CDH18: variants seen among roughly 807,000 people sequenced by gnomAD.
CDH18 encodes cadherin-18.
In CDH18, 31 loss-of-function variants were observed where a neutral mutation model predicts 67.9. The observed-to-expected ratio is 0.46, with a 90% confidence interval of 0.34 to 0.62. The LOEUF is 0.62. CDH18 is among the 20% of genes least tolerant of loss of function. The pLI, the probability that CDH18 is intolerant of heterozygous loss-of-function variation, is 0.01. For missense variants in CDH18, 890 were observed against 975.5 expected, an observed-to-expected ratio of 0.91 and a Z score of 1.17; for synonymous variants, 362 against 347.2, an observed-to-expected ratio of 1.04 and a Z score of -0.48.
At chr5:20,109,092 T>C (rs1747233853) in intron 2 of CDH18, among the ~76,000 whole-genome samples, 1 of 152,200 alleles carries the variant, frequency 6.6e-6, no homozygotes, top group Non-Finnish European at 1.5e-5. Context: ...ACTGTATCTC[T>C]GATGCCAAAG....
chr5:20,331,735 T>C (rs548490029), intron 1 of CDH18, among the ~76,000 whole-genome samples: 1 of 152,286 alleles, frequency 6.6e-6, no homozygotes, highest in East Asian at 1.9e-4. Context: ...TGGGCCCAAC[T>C]TCCTGAAGTC....
chr5:19,756,088 C>A (rs1326661566), intron 3 of CDH18, among the ~76,000 whole-genome samples: 2 of 152,072 alleles, frequency 1.3e-5, no homozygotes, highest in Admixed American at 1.3e-4. Flanking sequence ...CAAATAAAGA[C>A]AATAATAAGG....
chr5:20,260,571 A>AGGGGGTGGACATATTTTG, intron 1 of CDH18, among the ~76,000 whole-genome samples: 1 of 152,146 alleles, frequency 6.6e-6, no homozygotes, highest in African/African-American at 2.4e-5. Context: ...AAAGACTTAA[A>AGGGGGTGGACATATTTTG]CAGTTCTGTA....
intron 1 of CDH18, among the ~76,000 whole-genome samples, chr5:20,402,916 AC>A (rs1458352339): frequency 6.6e-6 from 1 of 152,026 alleles, no homozygotes; most frequent in Non-Finnish European, 1.5e-5. Context: ...TTGAAAAAAA[AC>A]AATAAATAAA....
At chr5:19,489,253 T>C (rs1387626737) in intron 11 of CDH18, among the ~76,000 whole-genome samples, 1 of 147,794 alleles carries the variant, frequency 6.8e-6, no homozygotes, top group African/African-American at 2.5e-5. Flanking sequence ...TTTTTTTCTT[T>C]TTTTTTTTTT....
intron 1 of CDH18, among the ~76,000 whole-genome samples, chr5:20,267,934 C>T (rs527328403): frequency 3.9e-5 from 6 of 152,244 alleles, no homozygotes; most frequent in South Asian, 2.1e-4. Context: ...GGTAGTTTCT[C>T]GGCTTTTCCT....
At chr5:20,301,789 C>CTTTT (rs59276117) in intron 1 of CDH18, among the ~76,000 whole-genome samples, 24,758 of 124,638 alleles carry the variant, frequency 0.2, 2,254 homozygotes, top group South Asian at 0.28. Flanking sequence ...TTTCTTTTTT[C>CTTTT]TTTTTTTTTT....
At chr5:19,911,662 C>G (rs1791160253) in intron 2 of CDH18, among the ~76,000 whole-genome samples, 1 of 151,806 alleles carries the variant, frequency 6.6e-6, no homozygotes, top group Non-Finnish European at 1.5e-5. Flanking sequence ...GCCAGGGAGA[C>G]AGCCCTCACC....
At chr5:20,438,067 C>T (rs1017262189) in intron 1 of CDH18, among the ~76,000 whole-genome samples, 2 of 151,138 alleles carry the variant, frequency 1.3e-5, no homozygotes. Context: ...TTTAAAATTT[C>T]TGTTAATTCC....
intron 2 of CDH18, among the ~76,000 whole-genome samples, chr5:20,085,058 A>T (rs1744825762): frequency 6.6e-6 from 1 of 152,120 alleles, no homozygotes; most frequent in South Asian, 2.1e-4. Flanking sequence ...TTTGTTTTCT[A>T]TTGCATTGTC....
chr5:19,804,952 T>C, intron 3 of CDH18, among the ~76,000 whole-genome samples: 1 of 32,764 alleles, frequency 3.1e-5, no homozygotes, highest in Non-Finnish European at 9.2e-5. Flanking sequence ...ATTATTATGA[T>C]TTTTTTTTTT....
chr5:19,896,679 T>G (rs1789378534), intron 2 of CDH18, among the ~76,000 whole-genome samples: 1 of 152,186 alleles, frequency 6.6e-6, no homozygotes, highest in African/African-American at 2.4e-5. Context: ...GCCAATGAAT[T>G]GACGGAAATC....
Position 20,565,593 on chromosome 5 carries a change from A to T in CDH18, c.-580+9869T>A, listed in dbSNP as rs551246801. On this transcript the variant is annotated intron_variant, in intron 1 of 14. Transcript: ENST00000507958. ...AAATTGGTGCTTGAAATATTCTGGT[A>T]CTCTCATCTTTACTTATTTCTTAGT... 5.3e-5 allele frequency among the ~76,000 whole-genome samples: 8 copies of T among 151,562 alleles called. No individual in the cohort carries two copies. The East Asian group carries it at 1.6e-3, about 29-fold the overall frequency.
At chr5:19,558,814 C>T (rs1738918911) in intron 8 of CDH18, among the ~76,000 whole-genome samples, 1 of 151,868 alleles carries the variant, frequency 6.6e-6, no homozygotes, top group Admixed American at 6.6e-5. Flanking sequence ...CAGTATCATT[C>T]TAATACTAAA....
At chr5:20,470,349 C>T (rs750637676) in intron 1 of CDH18, among the ~76,000 whole-genome samples, 32 of 152,154 alleles carry the variant, frequency 2.1e-4, no homozygotes, top group Non-Finnish European at 3.7e-4. Flanking sequence ...TGAAGCTGAG[C>T]AGTGACATGA....
At chr5:20,067,603 C>A (rs1271954349) in intron 2 of CDH18, among the ~76,000 whole-genome samples, 1 of 152,020 alleles carries the variant, frequency 6.6e-6, no homozygotes, top group Non-Finnish European at 1.5e-5. Context: ...TGTTTCCAAT[C>A]TCAAACTAAT....
chr5:19,906,575 T>G, intron 2 of CDH18, among the ~76,000 whole-genome samples: 1 of 151,940 alleles, frequency 6.6e-6, no homozygotes, highest in East Asian at 1.9e-4. Context: ...TCTTATCGCA[T>G]CAAAATGAAG....
chr5:20,001,223 T>C (rs559231413), intron 2 of CDH18, among the ~76,000 whole-genome samples: 1 of 152,146 alleles, frequency 6.6e-6, no homozygotes, highest in South Asian at 2.1e-4. Context: ...TCAATGTTGC[T>C]TTATAAAAGG....
At chr5:19,873,779 C>G (rs1033807305) in intron 2 of CDH18, among the ~76,000 whole-genome samples, 3 of 152,106 alleles carry the variant, frequency 2.0e-5, no homozygotes, top group African/African-American at 7.2e-5. Flanking sequence ...TCCCGAGTAG[C>G]TGGGACTACA....
Sources: gnomAD v4.1 joint callset for allele counts (sites outside exome capture counted in the v4.1 genomes callset) on GRCh38, gnomAD v4.1.1 for gene constraint, MANE v1.5 for transcripts, NCBI Gene and HGNC (gene_info 2026-07-23, HGNC 2026-07-21) for gene names.